Variants in GALM observed in about 807,000 individuals in gnomAD.
GALM encodes aldose 1-epimerase.
A neutral mutation model predicts 37.4 loss-of-function variants in GALM; 43 were observed. The ratio of observed to expected loss-of-function variants is 1.15; its 90% confidence interval spans 0.90 to 1.48. The LOEUF is 1.48. Among genes scored for constraint, GALM ranks in the 40% most tolerant of loss-of-function variants. The pLI is 0.00. For missense variants in GALM, 456 were observed against 419.1 expected, an observed-to-expected ratio of 1.09 and a Z score of -0.77; for synonymous variants, 199 against 170.6, an observed-to-expected ratio of 1.17 and a Z score of -1.30.
At chr2:38,704,532 C>T (rs1414491484) in intron 4 of GALM, among the ~76,000 whole-genome samples, 1 of 151,764 alleles carries the variant, frequency 6.6e-6, no homozygotes, top group African/African-American at 2.4e-5. Flanking sequence ...AAAAATTAGC[C>T]AGGCCCAGTG....
chr2:38,686,693 A>G (rs1665547336), intron 3 of GALM, among the ~76,000 whole-genome samples: 1 of 152,224 alleles, frequency 6.6e-6, no homozygotes, highest in African/African-American at 2.4e-5. Flanking sequence ...ACTCAACAAT[A>G]CAAAGGAATA....
chr2:38,674,641 ACT>A (rs1268207750), intron 1 of GALM, among the ~76,000 whole-genome samples: 1 of 152,000 alleles, frequency 6.6e-6, no homozygotes, highest in Non-Finnish European at 1.5e-5. Context: ...GTATTACCTA[ACT>A]CTCTCTAAAG....
chr2:38,689,060 T>G (rs974052070), intron 3 of GALM, among the ~76,000 whole-genome samples: 4 of 152,168 alleles, frequency 2.6e-5, no homozygotes, highest in Non-Finnish European at 4.4e-5. Context: ...CCTCAGGTGA[T>G]CCGCCTGCCT....
chr2:38,696,123 T>C (rs1259677507), intron 4 of GALM, among the ~76,000 whole-genome samples: 7 of 151,806 alleles, frequency 4.6e-5, no homozygotes, highest in Non-Finnish European at 1.0e-4. Flanking sequence ...TGTAGAGATT[T>C]TTTTTTTTCT....
intron 1 of GALM, 85 bp downstream of exon 1, chr2:38,666,436 G>A (rs963172129): frequency 3.7e-6 from 4 of 1,079,894 alleles, no homozygotes; most frequent in Non-Finnish European, 5.3e-6. Flanking sequence ...CTTGCAATGC[G>A]AGGGACCAAG....
At chr2:38,695,410 G>C (rs1350105523) in intron 4 of GALM, among the ~76,000 whole-genome samples, 1 of 152,240 alleles carries the variant, frequency 6.6e-6, no homozygotes, top group African/African-American at 2.4e-5. Context: ...CAGCTATCTG[G>C]AGCAGTCCCT....
At chr2:38,700,911 CTTTT>C (rs1229457681) in intron 4 of GALM, among the ~76,000 whole-genome samples, 3 of 152,092 alleles carry the variant, frequency 2.0e-5, no homozygotes, top group Non-Finnish European at 4.4e-5. Flanking sequence ...GAGTTTTCTA[CTTTT>C]TTGTGTTTTC....
intron 4 of GALM, chr2:38,698,414 T>C (rs1291932420): frequency 7.7e-7 from 1 of 1,303,802 alleles, no homozygotes; most frequent in African/African-American, 1.5e-5. Flanking sequence ...CTTTTACCCA[T>C]GGACCAGGAG....
At chr2:38,677,672 T>C (rs1665291155) in intron 2 of GALM, among the ~76,000 whole-genome samples, 1 of 152,178 alleles carries the variant, frequency 6.6e-6, no homozygotes, top group Admixed American at 6.5e-5. Context: ...GCTTAACTTA[T>C]ATTCCCTTCA....
At chr2:38,689,984 C>T (rs1309188810) in intron 4 of GALM, 90 bp downstream of exon 4, 2 of 717,788 alleles carry the variant, frequency 2.8e-6, no homozygotes, top group Non-Finnish European at 4.8e-6. Context: ...GCGGTGAAAT[C>T]TTAATAAAGT....
chr2:38,723,388 A>T (rs1288278415), intron 4 of GALM, among the ~76,000 whole-genome samples: 1 of 152,214 alleles, frequency 6.6e-6, no homozygotes, highest in African/African-American at 2.4e-5. Flanking sequence ...CTCTAACACT[A>T]GTTTCACCTG....
chr2:38,673,723 T>C (rs1202983335), intron 1 of GALM, among the ~76,000 whole-genome samples: 1 of 147,634 alleles, frequency 6.8e-6, no homozygotes, highest in African/African-American at 2.5e-5. Context: ...GGCAGGAGAA[T>C]GGCGTGAACC....
chr2:38,724,547 C>T (rs1240359065), intron 4 of GALM, among the ~76,000 whole-genome samples: 2 of 152,132 alleles, frequency 1.3e-5, no homozygotes, highest in African/African-American at 2.4e-5. Context: ...CCACATTTTC[C>T]ATATACTTGA....
intron 4 of GALM, among the ~76,000 whole-genome samples, chr2:38,722,040 ACCCC>A (rs1178141610): frequency 4.7e-4 from 25 of 53,462 alleles, no homozygotes; most frequent in Admixed American, 1.5e-3. Flanking sequence ...TCCCCCCCCC[ACCCC>A]CCCCCCCCAC....
At chr2:38,692,267 G>C (rs552763601) in intron 4 of GALM, among the ~76,000 whole-genome samples, 82 of 152,282 alleles carry the variant, frequency 5.4e-4, no homozygotes, top group Middle Eastern at 3.4e-3. Context: ...AAGTCCTTAA[G>C]AAACAAGCTA....
chr2:38,673,781 G>T (rs1665172691), intron 1 of GALM, among the ~76,000 whole-genome samples: 1 of 145,882 alleles, frequency 6.9e-6, no homozygotes. Flanking sequence ...CTGTACTCCA[G>T]CCTGGGCGAC....
In GALM at chr2:38,683,227, C is replaced by T. The variant is rs370761296; in HGVS notation, c.552+1741C>T. 4.8e-4 allele frequency among the ~76,000 whole-genome samples: 73 copies of T among 152,262 alleles called. No homozygotes were observed. The South Asian group carries it at 0.011, about 22-fold the overall frequency. ...ATGTTAGGTTTACTAAGGCTTTTTACGACTCTTCCAATCCTGCAGGGACTT... is the reference window on the plus strand; with the variant it reads ...ATGTTAGGTTTACTAAGGCTTTTTATGACTCTTCCAATCCTGCAGGGACTT... On this transcript the variant is annotated intron_variant, in intron 3 of 6. Coordinates refer to ENST00000272252, the MANE Select transcript of GALM (RefSeq NM_138801.3).
At chr2:38,726,648 G>A (rs1666492482) in intron 4 of GALM, among the ~76,000 whole-genome samples, 2 of 152,066 alleles carry the variant, frequency 1.3e-5, no homozygotes, top group South Asian at 4.2e-4. Flanking sequence ...AGTGGCTCCT[G>A]CCTATAATCC....
intron 2 of GALM, 118 bp downstream of exon 2, chr2:38,676,184 C>T (rs1004623008): frequency 3.0e-6 from 3 of 999,604 alleles, no homozygotes; most frequent in East Asian, 2.4e-5. Context: ...GAAAGAGGCC[C>T]CTTCCATGGT....
Sources: allele counts gnomAD v4.1 joint callset (sites outside exome capture counted in the v4.1 genomes callset), GRCh38; gene constraint gnomAD v4.1.1; transcripts MANE v1.5; gene names NCBI Gene and HGNC (gene_info 2026-07-23, HGNC 2026-07-21).